Variants in ZNF341 observed in about 807,000 individuals in gnomAD.
ZNF341 encodes the protein zinc finger protein 341.
A neutral mutation model predicts 87.7 loss-of-function variants in ZNF341; 52 were observed. That is an observed-to-expected ratio of 0.59 (90% CI 0.47 to 0.75). The LOEUF (loss-of-function observed/expected upper bound fraction) is 0.75, where lower values mean the gene tolerates loss of function less well. ZNF341 is among the 30% of genes least tolerant of loss of function. The pLI is 0.00. For missense variants in ZNF341, 977 were observed against 1,145.9 expected, an observed-to-expected ratio of 0.85 and a Z score of 2.13; for synonymous variants, 459 against 472.7, an observed-to-expected ratio of 0.97 and a Z score of 0.38.
intron 10 of ZNF341, among the ~76,000 whole-genome samples, chr20:33,775,751 G>A (rs1568589894): frequency 6.6e-6 from 1 of 152,068 alleles, no homozygotes; most frequent in Non-Finnish European, 1.5e-5. Context: ...CCAGGCTGGA[G>A]TACAGTGGCA....
chr20:33,755,458 G>C (rs962575734), intron 5 of ZNF341, among the ~76,000 whole-genome samples: 1 of 151,924 alleles, frequency 6.6e-6, no homozygotes, highest in African/African-American at 2.4e-5. Flanking sequence ...CACCATACCC[G>C]GCCAGATTTT....
intron 10 of ZNF341, among the ~76,000 whole-genome samples, chr20:33,772,033 A>AAAAAAAAAAAAAAAAAAAAAT (rs1568588421): frequency 1.3e-5 from 2 of 149,996 alleles, no homozygotes; most frequent in East Asian, 1.9e-4. Flanking sequence ...AAAAAAAAAA[A>AAAAAAAAAAAAAAAAAAAAAT]AAGATCTTCA....
rs761518218 is a variant in ZNF341 at position 33,768,865 on chromosome 20, AC to A, written c.1414-1218del. Among the ~76,000 whole-genome samples, 19 of 152,218 alleles carry A rather than the reference AC, an allele frequency of 1.2e-4. 1 individual carries two copies. In the East Asian group the frequency reaches 1.5e-3, roughly 12 times the overall value. ...AAGTATGATTTTCGAGATGTTAAAA[AC>A]ATACTTCTCATACAAATGAGGCCTG... On this transcript the variant is annotated intron_variant, in intron 9 of 14. Transcript: ENST00000375200.
intron 4 of ZNF341, among the ~76,000 whole-genome samples, 198 bp downstream of exon 4, chr20:33,749,270 G>C (rs1380203483): frequency 6.6e-6 from 1 of 152,186 alleles, no homozygotes; most frequent in Non-Finnish European, 1.5e-5. Flanking sequence ...GAACATGTGG[G>C]GCTTTGTCAA....
intron 3 of ZNF341, among the ~76,000 whole-genome samples, chr20:33,746,263 C>T (rs1265500853): frequency 1.9e-4 from 15 of 80,552 alleles, no homozygotes; most frequent in Middle Eastern, 0.014. Flanking sequence ...GACGGAGTTT[C>T]ACTCTTGTTG....
Position 33,732,051 on chromosome 20 carries a change from G to T in ZNF341, c.30G>T (p.Glu10Asp). 1 of 1,300,088 alleles carries T rather than the reference G, an allele frequency of 7.7e-7. No individual in the cohort carries two copies. Among genetic ancestry groups the T allele is most frequent in the Non-Finnish European group, 9.8e-7 (1 of 1,018,394 alleles). The allele number at this position is 1,300,088 out of a possible 1,614,324, so 80.5% of individuals were successfully genotyped here. ...CGCAGGCGATCTTTGAGGCCCTGGA[G>T]GGTGAGCGGCGGCGGGGCCGGCGGA... is the stretch of plus-strand genomic sequence containing the variant. Reference protein sequence around the residue: MAQAIFEALEGMDNQTVLAV... With the variant: MAQAIFEALDGMDNQTVLAV... Residue 10 changes from glutamate to aspartate, a missense_variant and splice_region_variant, in exon 1 of 15, where the codon GAG becomes GAT. Glu to Asp is a conservative substitution (Grantham distance 45). Around this residue, in one of 3 missense-constraint regions of ZNF341, gnomAD observed 515 missense variants for 598.2 expected, o/e 0.86. Transcript: ENST00000375200. This position sits in a 1 kb window ranked among gnomAD's most constrained non-coding sequence, Gnocchi z 4.5.
At chr20:33,753,096 G>A in intron 4 of ZNF341, 76 bp from the exon 5 acceptor site, 1 of 1,599,300 alleles carries the variant, frequency 6.3e-7, no homozygotes, top group Non-Finnish European at 8.5e-7. Flanking sequence ...GCTGGCTAAA[G>A]CAAATGTCCT....
At chr20:33,761,102 C>T (rs1194611935) in intron 7 of ZNF341, among the ~76,000 whole-genome samples, 3 of 151,904 alleles carry the variant, frequency 2.0e-5, no homozygotes, top group Non-Finnish European at 2.9e-5. Flanking sequence ...TTAAGTGATC[C>T]TTCCGCCTCA....
chr20:33,742,615 C>T (rs2018825172), intron 2 of ZNF341, among the ~76,000 whole-genome samples: 2 of 151,450 alleles, frequency 1.3e-5, no homozygotes, highest in South Asian at 4.2e-4. Flanking sequence ...CATGCCTGGC[C>T]AAAAAACTTC....
At chr20:33,760,869 A>G (rs1016949891) in intron 7 of ZNF341, among the ~76,000 whole-genome samples, 1 of 152,132 alleles carries the variant, frequency 6.6e-6, no homozygotes, top group East Asian at 1.9e-4. Flanking sequence ...ATAGCCCCAT[A>G]TGGCTTATGT....
intron 8 of ZNF341, among the ~76,000 whole-genome samples, chr20:33,763,470 C>T (rs571518485): frequency 5.9e-4 from 90 of 152,062 alleles, no homozygotes; most frequent in Non-Finnish European, 1.1e-3. Flanking sequence ...GGCTAATTTT[C>T]GTATTTTTAG....
chr20:33,747,937 G>A lies in ZNF341; in HGVS notation c.340-986G>A, dbSNP rs186023691. Among the ~76,000 whole-genome samples, 122 of 151,834 alleles carry A rather than the reference G, an allele frequency of 8.0e-4. No individual in the cohort carries two copies. The East Asian group carries it at 0.017, about 21-fold the overall frequency. On this transcript the variant is annotated intron_variant, in intron 3 of 14. Transcript: ENST00000375200. ...TCGAACTCCTGACCTCAAGTGATCC[G>A]CCTGTCTTGGCCTCCCAAAGTGCTG...
At chr20:33,758,057 G>A (rs774350045) in intron 6 of ZNF341, among the ~76,000 whole-genome samples, 1 of 152,128 alleles carries the variant, frequency 6.6e-6, no homozygotes, top group African/African-American at 2.4e-5. Context: ...GATGTATTGA[G>A]CATCTGTGTG....
At chr20:33,733,538 T>G (rs1220586589) in intron 1 of ZNF341, among the ~76,000 whole-genome samples, 4 of 151,070 alleles carry the variant, frequency 2.6e-5, no homozygotes, top group Non-Finnish European at 5.9e-5. Flanking sequence ...CGCCCGGCCA[T>G]TTTTTTGTAT....
At chr20:33,764,012 A>ATC (rs1437266840) in intron 8 of ZNF341, among the ~76,000 whole-genome samples, 10 of 144,344 alleles carry the variant, frequency 6.9e-5, no homozygotes, top group Middle Eastern at 3.7e-3. Flanking sequence ...GGTAAAACCC[A>ATC]TCTCTCTCTT....
chr20:33,778,891 T>C (rs1343471761), intron 10 of ZNF341, among the ~76,000 whole-genome samples: 1 of 152,226 alleles, frequency 6.6e-6, no homozygotes, highest in Non-Finnish European at 1.5e-5. Context: ...CATGTTTTCA[T>C]GATGGGGAGA....
At chr20:33,790,942 G>A (rs1379746546) in intron 14 of ZNF341, 46 bp from the exon 15 acceptor site, 1 of 1,569,748 alleles carries the variant, frequency 6.4e-7, no homozygotes, top group Non-Finnish European at 8.6e-7. Flanking sequence ...CACTGTTGCG[G>A]GGTGAAGGTC....
At position 33,746,274 on chromosome 20, in the gene ZNF341, C is replaced by T. The variant is rs922842814; in HGVS notation, c.339+975C>T. On this transcript the variant is annotated intron_variant, in intron 3 of 14. Coordinates refer to ENST00000375200, the MANE Select transcript of ZNF341 (RefSeq NM_001282933.2). ...TTGAGACGGAGTTTCACTCTTGTTG[C>T]CCAGGATGGAGTGCAGTGGCAGGAT... 8.1e-4 allele frequency among the ~76,000 whole-genome samples: 105 copies of T among 129,420 alleles called. 2 individuals are homozygous for T. 84.9% of individuals were successfully genotyped at this position (129,420 alleles called of 152,430 possible). A position where few individuals can be genotyped will look rare whatever the true frequency, so the allele number is the denominator to read the frequency against.
At chr20:33,752,016 G>T (rs1275597874) in intron 4 of ZNF341, among the ~76,000 whole-genome samples, 2 of 152,080 alleles carry the variant, frequency 1.3e-5, no homozygotes, top group Admixed American at 1.3e-4. Flanking sequence ...ATAGAACAGT[G>T]CCCCAGGTGG....
Sources: gnomAD v4.1 joint callset for allele counts (sites outside exome capture counted in the v4.1 genomes callset) on GRCh38, gnomAD v4.1.1 for gene constraint, gnomAD v4.1.1 regional missense constraint, Gnocchi (gnomAD v3.1) non-coding constraint, MANE v1.5 for transcripts, NCBI Gene and HGNC (gene_info 2026-07-23, HGNC 2026-07-21) for gene names.